Variants in SLC6A20 observed in about 807,000 individuals in gnomAD.
SLC6A20 encodes the protein sodium- and chloride-dependent transporter XTRP3.
In SLC6A20, 73 loss-of-function variants were observed where a neutral mutation model predicts 64.3. That is an observed-to-expected ratio of 1.14 (90% CI 0.94 to 1.38). The LOEUF (loss-of-function observed/expected upper bound fraction) is 1.38, where lower values mean the gene tolerates loss of function less well. Ranked by LOEUF, SLC6A20 falls within the 40% of genes most tolerant of loss-of-function variation. SLC6A20 has a pLI of 0.00. For missense variants in SLC6A20, 725 were observed against 772.8 expected, an observed-to-expected ratio of 0.94 and a Z score of 0.73; for synonymous variants, 347 against 329.6, an observed-to-expected ratio of 1.05 and a Z score of -0.57.
intron 6 of SLC6A20, 53 bp from the exon 7 acceptor site, chr3:45,770,424 C>T: frequency 6.3e-7 from 1 of 1,594,416 alleles, no homozygotes; most frequent in South Asian, 1.1e-5. Context: ...GCAGCTGTCA[C>T]CAAAGCCTCC....
chr3:45,790,855 C>T (rs1426619705), intron 1 of SLC6A20, among the ~76,000 whole-genome samples: 1 of 152,234 alleles, frequency 6.6e-6, no homozygotes, highest in Non-Finnish European at 1.5e-5. Flanking sequence ...TCCTCTCCTG[C>T]CATTGCCCTA....
chr3:45,790,407 A>G (rs1437218169), intron 1 of SLC6A20: 1 of 151,974 alleles, frequency 6.6e-6, no homozygotes, highest in African/African-American at 2.4e-5. Context: ...CCACTTTGGG[A>G]ACCACTGCTC....
rs1435671177 is a variant in SLC6A20, at chr3:45,755,980, T to TTTC, written c.*2995_*2997dup. On this transcript the variant is annotated 3_prime_UTR_variant, in exon 11 of 11. Transcript: ENST00000358525. ...ACTCCTCAATGTACCACCCATGTTC[T>TTTC]TTCTTTTTTAAATGGGGCCTCTCAG... is the stretch of plus-strand genomic sequence containing the variant. The TTTC allele has an allele frequency of 6.6e-6, 1 of 152,220 alleles. No homozygotes were observed. Among genetic ancestry groups the TTTC allele is most frequent in the Admixed American group, 6.5e-5 (1 of 15,278 alleles). 9.4% of individuals were successfully genotyped at this position (152,220 alleles called of 1,614,324 possible). A position where few individuals can be genotyped will look rare whatever the true frequency, so the allele number is the denominator to read the frequency against.
In SLC6A20 at chr3:45,758,937, A is replaced by G. The variant is rs1315333696; in HGVS notation, c.*41T>C. 1.3e-6 allele frequency: 2 copies of G among 1,550,180 alleles called. No individual in the cohort carries two copies. Among genetic ancestry groups the G allele is most frequent in the Non-Finnish European group, 1.7e-6 (2 of 1,147,556 alleles). Reference sequence around the variant, plus strand: ...GCAGCCGAGGAGTTTCCGCCTGTAAATAGTATCTGTAAAACCGTGAGCGGC... The same window carrying G: ...GCAGCCGAGGAGTTTCCGCCTGTAAGTAGTATCTGTAAAACCGTGAGCGGC... On this transcript the variant is annotated 3_prime_UTR_variant, in exon 11 of 11. Transcript: ENST00000358525.
At chr3:45,785,602 TA>T (rs1282173121) in intron 1 of SLC6A20, among the ~76,000 whole-genome samples, 1 of 140,982 alleles carries the variant, frequency 7.1e-6, no homozygotes, top group African/African-American at 2.7e-5. Flanking sequence ...TAATACTTAA[TA>T]AACTCCCCTT....
chr3:45,780,674 G>A (rs923654612), intron 2 of SLC6A20, among the ~76,000 whole-genome samples: 6 of 152,180 alleles, frequency 3.9e-5, no homozygotes, highest in Admixed American at 2.0e-4. Flanking sequence ...CCCAGGGTGC[G>A]GCCTGAGAGC....
chr3:45,782,889 C>A (rs952146151), intron 1 of SLC6A20, among the ~76,000 whole-genome samples: 2 of 152,246 alleles, frequency 1.3e-5, no homozygotes, highest in Non-Finnish European at 2.9e-5. Flanking sequence ...CCTCCACTGT[C>A]CCAGCCCTTC....
At chr3:45,759,831 G>A (rs370717513) in intron 10 of SLC6A20, 26 bp downstream of exon 10, 257 of 1,590,772 alleles carry the variant, frequency 1.6e-4, no homozygotes, top group Middle Eastern at 6.8e-4. Context: ...GGGGCCCAGC[G>A]CCAGCCCTAC....
intron 5 of SLC6A20, 111 bp from the exon 6 acceptor site, chr3:45,771,569 A>G: frequency 6.5e-7 from 1 of 1,529,222 alleles, no homozygotes; most frequent in Non-Finnish European, 8.8e-7. Context: ...TACAGCACGC[A>G]GCCATCAGGG....
At chr3:45,781,003 A>G (rs966137560) in intron 2 of SLC6A20, among the ~76,000 whole-genome samples, 4 of 152,198 alleles carry the variant, frequency 2.6e-5, no homozygotes, top group African/African-American at 4.8e-5. Context: ...GCAGATTGTA[A>G]AACTACACAC....
In SLC6A20 at chr3:45,771,451, T is replaced by C; in HGVS notation, c.701A>G (p.Gln234Arg). 6.2e-7 allele frequency: 1 copy of C among 1,614,154 alleles called. No individual in the cohort carries two copies. The highest frequency in any genetic ancestry group is 8.5e-7 in the Non-Finnish European group (1 of 1,179,976). Residue 234 changes from glutamine to arginine, a missense_variant, in exon 6 of 11, where the codon CAG (glutamine) becomes CGG (arginine). Transcript: ENST00000358525. ...LMYMFTPKIE[Q>R]LANPKAWINA... ...GATCCAGGCCTTGGGGTTGGCCAGC[T>C]GCTCTATCTGGAAGGCCAGCAGGGA... is the stretch of plus-strand genomic sequence containing the variant.
In SLC6A20 at chr3:45,756,471, T is replaced by TG. The variant is rs1699545122; in HGVS notation, c.*2506_*2507insC. On this transcript the variant is annotated 3_prime_UTR_variant, in exon 11 of 11. Coordinates refer to ENST00000358525, the MANE Select transcript of SLC6A20 (RefSeq NM_020208.4). ...AATCCATGGGGTACATGCTGGTTCA[T>TG]ACATTTGAAAGTCAAATGTATGATA... 6.6e-6 allele frequency: 1 copy of TG among 152,248 alleles called. No individual in the cohort carries two copies. The highest frequency in any genetic ancestry group is 6.5e-5 in the Admixed American group (1 of 15,292). The allele number at this position is 152,248 out of a possible 1,614,324, so 9.4% of individuals were successfully genotyped here.
chr3:45,783,920 A>G (rs887719755), intron 1 of SLC6A20, among the ~76,000 whole-genome samples: 4 of 152,246 alleles, frequency 2.6e-5, no homozygotes, highest in Non-Finnish European at 5.9e-5. Flanking sequence ...AAGGAGTCCA[A>G]GAGGTCATTG....
rs758490832 is a variant in SLC6A20, at chr3:45,759,936, A to G, written c.1550T>C (p.Ile517Thr). The G allele has an allele frequency of 9.9e-6, 16 of 1,614,038 alleles. 1 individual carries two copies. The East Asian group carries it at 3.3e-4, about 34-fold the overall frequency. The stretch of plus-strand genomic sequence containing the variant: ...CAGGTAGAAGACAAAGAGGCTGACA[A>G]TCAGCAGTGGGCTTACGCCAGCCCA... Reference protein sequence around the residue: ...VMWAGVSPLLIVSLFVFYLSD... With the variant: ...VMWAGVSPLLTVSLFVFYLSD... Residue 517 changes from isoleucine to threonine, a missense_variant, in exon 10 of 11, where the codon ATT becomes ACT. Physicochemically the swap from Ile to Thr is moderately conservative, Grantham distance 89 (BLOSUM62 -1). Transcript: ENST00000358525.
intron 10 of SLC6A20, 127 bp from the exon 11 acceptor site, chr3:45,759,254 C>A: frequency 1.0e-6 from 1 of 959,106 alleles, no homozygotes; most frequent in Non-Finnish European, 1.5e-6. Context: ...TGTCCTCACT[C>A]CTGGGGCCAC....
At chr3:45,792,993 C>A (rs531759021) in intron 1 of SLC6A20, among the ~76,000 whole-genome samples, 4 of 152,308 alleles carry the variant, frequency 2.6e-5, no homozygotes, top group Admixed American at 1.3e-4. Flanking sequence ...CCCCCACAGG[C>A]GTCTGGATCA....
Position 45,775,891 on chromosome 3 carries a change from C to T in SLC6A20, c.452G>A (p.Arg151Lys), listed in dbSNP as rs767820251. 21 of 1,614,126 alleles carry T rather than the reference C, an allele frequency of 1.3e-5. No individual in the cohort carries two copies. The highest frequency in any genetic ancestry group is 1.8e-5 in the Non-Finnish European group (21 of 1,180,056). ...KASSTQYFWY[R>K]KTLNISPSLQ... ...GGACGGCGAGATATTGAGGGTTTTCCTGTACCAGAAGTACTGTGTGGAGGA... is the reference window on the plus strand; with the variant it reads ...GGACGGCGAGATATTGAGGGTTTTCTTGTACCAGAAGTACTGTGTGGAGGA... The change falls in exon 4 of 11, where the codon AGG becomes AAG. Residue 151 changes from arginine (R) to lysine (K), a missense_variant. Coordinates refer to ENST00000358525, the MANE Select transcript of SLC6A20 (RefSeq NM_020208.4).
intron 4 of SLC6A20, among the ~76,000 whole-genome samples, chr3:45,775,492 G>A (rs1699949568): frequency 6.6e-6 from 1 of 152,134 alleles, no homozygotes; most frequent in Non-Finnish European, 1.5e-5. Context: ...GGGGCTGACT[G>A]CTACAGAAAA....
intron 3 of SLC6A20, among the ~76,000 whole-genome samples, chr3:45,779,112 G>A (rs766604340): frequency 2.6e-5 from 4 of 152,218 alleles, no homozygotes; most frequent in African/African-American, 4.8e-5. Context: ...GGACCTTGGG[G>A]ACAGGCATGT....
Sources: gnomAD v4.1 joint callset for allele counts (sites outside exome capture counted in the v4.1 genomes callset) on GRCh38, gnomAD v4.1.1 for gene constraint, MANE v1.5 for transcripts, NCBI Gene and HGNC (gene_info 2026-07-23, HGNC 2026-07-21) for gene names.